Variants in ACTN2 observed in about 807,000 individuals in gnomAD.
ACTN2 encodes the protein alpha-actinin-2.
A neutral mutation model predicts 113.8 loss-of-function variants in ACTN2; 39 were observed. The ratio of observed to expected loss-of-function variants is 0.34; its 90% CI spans 0.27 to 0.45. ACTN2 has a LOEUF of 0.45. Among genes scored for constraint, ACTN2 ranks in the 20% least tolerant of loss-of-function variants. The probability of loss-of-function intolerance (pLI) is 1.00; values close to 1 mark genes in which losing one functional copy is unlikely to be tolerated. For synonymous variants in ACTN2, 429 were observed against 444.1 expected (o/e 0.97, Z 0.43); for missense variants, 992 against 1,177.9 (o/e 0.84, Z 2.31).
At chr1:236,729,374 C>G (rs1424092663) in intron 6 of ACTN2, among the ~76,000 whole-genome samples, 4 of 152,114 alleles carry the variant, frequency 2.6e-5, no homozygotes, top group Admixed American at 2.6e-4. Context: ...AGGGTAAAAG[C>G]AAGGCCCACC....
intron 8 of ACTN2, 28 bp from the exon 9 acceptor site, chr1:236,737,094 C>T (rs541345669): frequency 1.5e-5 from 24 of 1,576,994 alleles, no homozygotes; most frequent in African/African-American, 1.1e-4. Context: ...TCGACAGAGC[C>T]GTCCTGTTTA....
intron 6 of ACTN2, among the ~76,000 whole-genome samples, chr1:236,728,220 A>T (rs1280982428): frequency 6.9e-6 from 1 of 145,176 alleles, no homozygotes; most frequent in Admixed American, 7.1e-5. Flanking sequence ...CTCGGCTCAC[A>T]GCAGGCTCCG....
intron 1 of ACTN2, among the ~76,000 whole-genome samples, chr1:236,701,659 C>T (rs1657681134): frequency 6.6e-6 from 1 of 152,210 alleles, no homozygotes; most frequent in South Asian, 2.1e-4. Flanking sequence ...GCATTAATGA[C>T]ACTTATTTTA....
intron 1 of ACTN2, among the ~76,000 whole-genome samples, chr1:236,705,761 A>T (rs1329132786): frequency 6.6e-6 from 1 of 152,216 alleles, no homozygotes; most frequent in South Asian, 2.1e-4. Flanking sequence ...GGGTGATTCC[A>T]TATATCGGAG....
chr1:236,749,322 T>A (rs553196107), intron 14 of ACTN2, 58 bp downstream of exon 14: 68 of 1,604,740 alleles, frequency 4.2e-5, no homozygotes, highest in Admixed American at 1.0e-4. Context: ...TCATTTAAAC[T>A]TAAGAGTCCT....
In ACTN2 at chr1:236,755,107, A is replaced by G. The variant is rs145248415; in HGVS notation, c.2063A>G (p.Tyr688Cys). Residue 688 changes from tyrosine (Y) to cysteine (C), a missense_variant, in exon 17 of 21, where the codon TAT (tyrosine) becomes TGT (cysteine). Physicochemically the swap from Tyr to Cys is radical, Grantham distance 194 (BLOSUM62 -2). Transcript: ENST00000366578. ...LKQYEHNIIN[Y>C]KNNIDKLEGD... ...CAGTATGAGCACAACATCATCAACT[A>G]TAAGAACAACATCGACAAGCTGGAG... 8 of 1,614,082 alleles carry G rather than the reference A, an allele frequency of 5.0e-6. No homozygotes were observed. The highest frequency in any genetic ancestry group is 1.6e-4 in the Middle Eastern group (1 of 6,084).
At chr1:236,697,722 C>T (rs913551115) in intron 1 of ACTN2, among the ~76,000 whole-genome samples, 5 of 149,884 alleles carry the variant, frequency 3.3e-5, no homozygotes, top group African/African-American at 9.8e-5. Flanking sequence ...AGCTTTGGTG[C>T]TGTGGAATGC....
chr1:236,738,592 A>G (rs1181003118), intron 9 of ACTN2, among the ~76,000 whole-genome samples: 1 of 152,222 alleles, frequency 6.6e-6, no homozygotes, highest in Admixed American at 6.5e-5. Context: ...GACTCTAGGT[A>G]TATCACCATT....
chr1:236,715,044 A>G (rs1430283016), intron 1 of ACTN2, among the ~76,000 whole-genome samples: 1 of 152,080 alleles, frequency 6.6e-6, no homozygotes, highest in Non-Finnish European at 1.5e-5. Context: ...GGGATATGCA[A>G]GAGACTGATA....
chr1:236,743,684 C>T (rs1225823595), intron 11 of ACTN2, among the ~76,000 whole-genome samples: 1 of 151,360 alleles, frequency 6.6e-6, no homozygotes, highest in Non-Finnish European at 1.5e-5. Context: ...GAGATTTTTC[C>T]TCATTCTATG....
chr1:236,740,356 C>T (rs1033688877), intron 10 of ACTN2, among the ~76,000 whole-genome samples: 9 of 151,726 alleles, frequency 5.9e-5, no homozygotes, highest in Admixed American at 2.0e-4. Flanking sequence ...TCAGGTGATC[C>T]GCCCGCCTCG....
Position 236,686,617 on chromosome 1 carries a change from T to C in ACTN2, c.-57T>C. 1 of 1,500,948 alleles carries C rather than the reference T, an allele frequency of 6.7e-7. No individual in the cohort carries two copies. Among genetic ancestry groups the C allele is most frequent in the Non-Finnish European group, 8.9e-7 (1 of 1,122,540 alleles). The allele number at this position is 1,500,948 out of a possible 1,614,324, so 93.0% of individuals were successfully genotyped here. The stretch of plus-strand genomic sequence containing the variant: ...CCGCCTCCGTGGGTCCGTTTGCCAG[T>C]CAGCCCGTGCGTCCGAGCCCCTCGC... On this transcript the variant is annotated 5_prime_UTR_variant, in exon 1 of 21. Transcript: ENST00000366578.
intron 1 of ACTN2, among the ~76,000 whole-genome samples, chr1:236,708,897 T>C (rs1409449735): frequency 6.6e-6 from 1 of 152,112 alleles, no homozygotes; most frequent in African/African-American, 2.4e-5. Flanking sequence ...TCCACTTTAG[T>C]CAGTGATTTT....
chr1:236,719,078 C>G, intron 3 of ACTN2, 65 bp downstream of exon 3: 1 of 1,605,800 alleles, frequency 6.2e-7, no homozygotes. Flanking sequence ...TGGGCTGCGA[C>G]TTGAATTCTC....
intron 1 of ACTN2, among the ~76,000 whole-genome samples, chr1:236,711,652 G>A (rs1400330700): frequency 6.6e-6 from 1 of 152,164 alleles, no homozygotes; most frequent in Non-Finnish European, 1.5e-5. Flanking sequence ...GCTTGGCCAG[G>A]ACTACAAACA....
intron 1 of ACTN2, among the ~76,000 whole-genome samples, chr1:236,694,500 G>A (rs746858315): frequency 6.6e-6 from 1 of 152,010 alleles, no homozygotes; most frequent in Non-Finnish European, 1.5e-5. Context: ...TGGGATTACA[G>A]GTGTGAGCCA....
intron 13 of ACTN2, 40 bp from the exon 14 acceptor site, chr1:236,749,084 A>T (rs1659317491): frequency 6.2e-7 from 1 of 1,610,834 alleles, no homozygotes; most frequent in Admixed American, 1.7e-5. Flanking sequence ...TGAATTTTTT[A>T]ATTAGTCTAT....
chr1:236,746,187 A>AG (rs1491347934), intron 12 of ACTN2, among the ~76,000 whole-genome samples: 31 of 149,080 alleles, frequency 2.1e-4, no homozygotes, highest in African/African-American at 4.2e-4. Context: ...AAAAAAAGAA[A>AG]GAAAAAAAAA....
Position 236,759,357 on chromosome 1 carries a change from A to G in ACTN2, c.2302-367A>G, listed in dbSNP as rs537160952. Among the ~76,000 whole-genome samples, 113 of 152,214 alleles carry G rather than the reference A, an allele frequency of 7.4e-4. 1 individual carries two copies. The highest frequency in any genetic ancestry group is 1.6e-3 in the Non-Finnish European group (111 of 68,034). On this transcript the variant is annotated intron_variant, in intron 18 of 20. Transcript: ENST00000366578. ...AAGATGATCACAATCTTTTGCAACA[A>G]AAGTCCAAGGAGTACAATGCAGAAC...
Sources: gnomAD v4.1 joint callset for allele counts (sites outside exome capture counted in the v4.1 genomes callset) on GRCh38, gnomAD v4.1.1 for gene constraint, MANE v1.5 for transcripts, NCBI Gene and HGNC (gene_info 2026-07-23, HGNC 2026-07-21) for gene names.